The following MYH7 variants were observed in gnomAD, a reference collection of about 807,000 sequenced individuals.
MYH7 encodes the protein myosin heavy chain 7, also known as myosin-7.
Under a neutral mutation model 225.4 loss-of-function variants are expected in MYH7, and 129 were observed. That is an observed-to-expected ratio of 0.57 (90% CI 0.50 to 0.66). The LOEUF is 0.66. MYH7 is among the 30% of genes least tolerant of loss of function. MYH7 has a pLI of 0.00. For synonymous variants in MYH7, 971 were observed against 1,007.6 expected, an observed-to-expected ratio of 0.96 and a Z score of 0.69; for missense variants, 1,649 against 2,517.0, an observed-to-expected ratio of 0.66 and a Z score of 7.38.
In MYH7 at chr14:23,424,976, G is replaced by A. The variant is rs397516150; in HGVS notation, c.2472C>T (p.Val824=). ...AGAGCTTCATCCAGGGCCAATTCTT[G>A]ACCCCCATGAAGGCCCGAATGTTCC... ...IQWNIRAFMG[V]KNWPWMKLYF... Residue 824 remains valine (V), a synonymous_variant, in exon 22 of 40, where the codon GTC becomes GTT. Coordinates refer to ENST00000355349, the MANE Select transcript of MYH7 (RefSeq NM_000257.4). The A allele has an allele frequency of 1.4e-5, 22 of 1,614,020 alleles. No individual in the cohort carries two copies. The highest frequency in any genetic ancestry group is 1.8e-5 in the Non-Finnish European group (21 of 1,180,036).
Position 23,423,629 on chromosome 14 carries a change from G to A in MYH7, c.3017C>T (p.Ala1006Val). The change falls in exon 24 of 40, where the codon GCT becomes GTT. Residue 1006 changes from alanine (A) to valine (V), a missense_variant. Coordinates refer to ENST00000355349, the MANE Select transcript of MYH7 (RefSeq NM_000257.4). ...CTCCTCGGCCTGAAGGTCATCCAGA[G>A]CCTGTTGGTGGGCCTCTTGCAGAGC... ...KKALQEAHQQ[A>V]LDDLQAEEDK... 1 of 1,614,118 alleles carries A rather than the reference G, an allele frequency of 6.2e-7. No homozygotes were observed. Among genetic ancestry groups the A allele is most frequent in the Non-Finnish European group, 8.5e-7 (1 of 1,180,030 alleles).
rs886039204 is a variant in MYH7, at chr14:23,423,966, C to T, written c.2863G>A (p.Asp955Asn). The T allele has an allele frequency of 2.5e-6, 4 of 1,614,200 alleles. No individual in the cohort carries two copies. The highest frequency in any genetic ancestry group is 3.4e-6 in the Non-Finnish European group (4 of 1,180,022). The change falls in exon 23 of 40, where the codon GAT becomes AAT. Residue 955 changes from aspartate to asparagine, a missense_variant. Around this residue, in one of 12 missense-constraint regions of MYH7, gnomAD observed 282 missense variants for 315.3 expected, o/e 0.89. Transcript: ENST00000355349. Reference protein sequence around the residue: ...DECSELKRDIDDLELTLAKVE... With the variant: ...DECSELKRDINDLELTLAKVE... ...TTGGCCAGTGTCAGCTCCAGATCAT[C>T]GATGTCCCTTTTGAGCTCTGAGCAC...
chr14:23,421,256 G>A (rs1327657283), intron 25 of MYH7, among the ~76,000 whole-genome samples: 1 of 152,194 alleles, frequency 6.6e-6, no homozygotes, highest in Non-Finnish European at 1.5e-5. Context: ...GCTGTAGACA[G>A]GGTGATGGGG....
At chr14:23,416,805 A>C (rs1892230211) in intron 33 of MYH7, 63 bp downstream of exon 33, 1 of 1,611,650 alleles carries the variant, frequency 6.2e-7, no homozygotes, top group Non-Finnish European at 8.5e-7. Context: ...GCGGGGGATG[A>C]GAACAGGGAC....
intron 9 of MYH7, 52 bp downstream of exon 9, chr14:23,431,366 G>A (rs1330158689): frequency 2.6e-6 from 4 of 1,567,410 alleles, no homozygotes; most frequent in East Asian, 2.2e-5. Context: ...AGACCAGATG[G>A]TCTAGAGCAA....
chr14:23,419,293 C>T lies in MYH7; in HGVS notation c.3856G>A (p.Glu1286Lys), dbSNP rs397516196. ...TTCTCATCCAGCTGCCGGGACAGCT[C>T]ACCTGGGGAAGCACCATTCTAGATC... is the stretch of plus-strand genomic sequence containing the variant. ...QRAKLQTENGELSRQLDEKEA... is the reference protein window; with the variant it reads ...QRAKLQTENGKLSRQLDEKEA... The change falls in exon 29 of 40, where the codon GAG (glutamate) becomes AAG (lysine). Residue 1286 changes from glutamate (E) to lysine (K), a missense_variant and splice_region_variant. Glu to Lys is a moderately conservative substitution (Grantham distance 56). This residue lies in a region of MYH7 where 687 missense variants were observed against 913.8 expected (regional missense o/e 0.75). Coordinates refer to ENST00000355349, the MANE Select transcript of MYH7 (RefSeq NM_000257.4). 29 of 1,614,060 alleles carry T rather than the reference C, an allele frequency of 1.8e-5. No homozygotes were observed. The highest frequency in any genetic ancestry group is 2.4e-5 in the Non-Finnish European group (28 of 1,180,026).
In MYH7 at chr14:23,419,548, G is replaced by A. The variant is rs758889483; in HGVS notation, c.3788C>T (p.Ala1263Val). Residue 1263 changes from alanine to valine, a missense_variant, in exon 28 of 40, where the codon GCG (alanine) becomes GTG (valine). Physicochemically the swap from Ala to Val is moderately conservative, Grantham distance 64 (BLOSUM62 0). This residue lies in a region of MYH7 where 687 missense variants were observed against 913.8 expected (regional missense o/e 0.75). Transcript: ENST00000355349. ...EDQMNEHRSK[A>V]EETQRSVNDL... ...GTTGACAGAACGCTGGGTCTCCTCC[G>A]CCTTGCTCCGGTGCTCATTCATCTG... The A allele has an allele frequency of 1.6e-5, 26 of 1,613,992 alleles. No individual in the cohort carries two copies. The highest frequency in any genetic ancestry group is 2.1e-5 in the Non-Finnish European group (25 of 1,180,018).
In MYH7 at chr14:23,431,653, G is replaced by A. The variant is rs1060501445; in HGVS notation, c.664C>T (p.Gln222Ter). The A allele has an allele frequency of 6.2e-7, 1 of 1,614,252 alleles. No individual in the cohort carries two copies. Among genetic ancestry groups the A allele is most frequent in the Non-Finnish European group, 8.5e-7 (1 of 1,180,048 alleles). Residue 222 changes from glutamine (Q) to a stop codon, truncating the protein, a stop_gained, in exon 8 of 40, where the codon CAG becomes TAG. Coordinates refer to ENST00000355349, the MANE Select transcript of MYH7 (RefSeq NM_000257.4). LOFTEE classifies it high-confidence loss of function. ...AAGGCCTCCAGAGCAGGGTTGGCCT[G>A]GATGATCTGGTCCTCCAGGGTGCCC... ...GKGTLEDQII[Q>*]ANPALEAFGN...
intron 29 of MYH7, 148 bp from the exon 30 acceptor site, chr14:23,418,554 G>T: frequency 9.6e-7 from 1 of 1,040,134 alleles, no homozygotes; most frequent in Non-Finnish European, 1.4e-6. Context: ...TTTACTGTTT[G>T]CTGATAACAA....
rs541516432 is a variant in MYH7 at position 23,435,401 on chromosome 14, C to T, written c.-65+219G>A. Among the ~76,000 whole-genome samples, 39 of 151,306 alleles carry T rather than the reference C, an allele frequency of 2.6e-4. 1 individual carries two copies. In the South Asian group the frequency reaches 3.8e-3, roughly 15 times the overall value. ...ACACACACACACACACACACACACC[C>T]TGTAATGCATATTGGTCCCATATGC... On this transcript the variant is annotated intron_variant, in intron 1 of 39. Coordinates refer to ENST00000355349, the MANE Select transcript of MYH7 (RefSeq NM_000257.4).
At position 23,425,599 on chromosome 14, in the gene MYH7, A is replaced by C; in HGVS notation, c.2286+96T>G. The C allele has an allele frequency of 6.2e-7, 1 of 1,602,190 alleles. No homozygotes were observed. The highest frequency in any genetic ancestry group is 8.5e-7 in the Non-Finnish European group (1 of 1,172,660). ...CCACTGGGAGGGGTAGCATACAGGTAAGAGATTTTGCTAAGATGATTACAA... is the reference window on the plus strand; with the variant it reads ...CCACTGGGAGGGGTAGCATACAGGTCAGAGATTTTGCTAAGATGATTACAA... On this transcript the variant is annotated intron_variant, in intron 20 of 39. Transcript: ENST00000355349. This position sits in a 1 kb window ranked among gnomAD's most constrained non-coding sequence, Gnocchi z 4.6.
At position 23,419,980 on chromosome 14, in the gene MYH7, G is replaced by A. The variant is rs901079585; in HGVS notation, c.3591C>T (p.Ala1197=). The change falls in exon 27 of 40, where the codon GCC becomes GCT. Residue 1197 remains alanine, a synonymous_variant. Coordinates refer to ENST00000355349, the MANE Select transcript of MYH7 (RefSeq NM_000257.4). The stretch of plus-strand genomic sequence containing the variant: ...GCTCGCCCAGCTCGGCCACGCTGTC[G>A]GCGTGCTTCTTGCGCAGGGCCGCGG... The part of the protein sequence containing the change: ...ATAAALRKKH[A]DSVAELGEQI... 3.7e-6 allele frequency: 6 copies of A among 1,604,144 alleles called. No homozygotes were observed. Among genetic ancestry groups the A allele is most frequent in the African/African-American group, 2.7e-5 (2 of 74,546 alleles).
chr14:23,425,684 C>T lies in MYH7; in HGVS notation c.2286+11G>A. The T allele has an allele frequency of 2.5e-6, 4 of 1,613,974 alleles. No individual in the cohort carries two copies. The highest frequency in any genetic ancestry group is 3.4e-6 in the Non-Finnish European group (4 of 1,179,864). On this transcript the variant is annotated intron_variant, in intron 20 of 39. Transcript: ENST00000355349. This position sits in a 1 kb window ranked among gnomAD's most constrained non-coding sequence, Gnocchi z 4.6. ...ATGTCTTCCTTTAATTAATTAGTCT[C>T]CTTTCCTCACCTTGGTGTGGCCAAA... is the stretch of plus-strand genomic sequence containing the variant.
At chr14:23,419,821 G>C (rs1430780141) in intron 27 of MYH7, 24 bp downstream of exon 27, 11 of 1,613,896 alleles carry the variant, frequency 6.8e-6, no homozygotes, top group Non-Finnish European at 8.5e-6. Flanking sequence ...GAAGTTGGAG[G>C]AGGGGAGGCC....
rs730880725 is a variant in MYH7 at position 23,417,659 on chromosome 14, T to A, written c.4197A>T (p.Glu1399Asp). ...TAACAGCCTCCACGGCCTCCTCAGC[T>A]TCCTGCAGCCGCTGGGCCAGCTTCT... is the stretch of plus-strand genomic sequence containing the variant. ...AKKKLAQRLQ[E>D]AEEAVEAVNA... Residue 1399 changes from glutamate (E) to aspartate (D), a missense_variant, in exon 31 of 40, where the codon GAA (glutamate) becomes GAT (aspartate). By Grantham distance (45) the Glu-to-Asp change is conservative. Transcript: ENST00000355349. The A allele has an allele frequency of 1.3e-5, 21 of 1,612,918 alleles. No individual in the cohort carries two copies. The highest frequency in any genetic ancestry group is 1.7e-5 in the Non-Finnish European group (20 of 1,180,038).
At chr14:23,414,972 C>A (rs756407175) in intron 37 of MYH7, 23 bp downstream of exon 37, 2 of 1,603,602 alleles carry the variant, frequency 1.2e-6, no homozygotes, top group Admixed American at 3.3e-5. Flanking sequence ...CAGGGCTCTG[C>A]CTGGAGTCAC....
At chr14:23,419,397 T>C (rs1595077418) in intron 28 of MYH7, 86 bp downstream of exon 28, 2 of 1,612,062 alleles carry the variant, frequency 1.2e-6, no homozygotes, top group Non-Finnish European at 1.7e-6. Flanking sequence ...TGTGTGTGCG[T>C]GTATTGGCTT....
In MYH7 at chr14:23,414,598, A is replaced by G. The variant is rs544198290; in HGVS notation, c.5559+397T>C. 4.6e-5 allele frequency among the ~76,000 whole-genome samples: 7 copies of G among 152,344 alleles called. No homozygotes were observed. The East Asian group carries it at 5.8e-4, about 13-fold the overall frequency. On this transcript the variant is annotated intron_variant, in intron 37 of 39. Coordinates refer to ENST00000355349, the MANE Select transcript of MYH7 (RefSeq NM_000257.4). Reference sequence around the variant, plus strand: ...AGAGTCTGATTCTAGAAAACACCTCAGAAAGCTAGAGTCCACACTGCCCTG... The same window carrying G: ...AGAGTCTGATTCTAGAAAACACCTCGGAAAGCTAGAGTCCACACTGCCCTG...
chr14:23,433,341 G>T lies in MYH7; in HGVS notation c.202-114C>A, dbSNP rs1893024455. 6.6e-7 allele frequency: 1 copy of T among 1,517,738 alleles called. No homozygotes were observed. The highest frequency in any genetic ancestry group is 1.1e-5 in the South Asian group (1 of 86,988). 94.0% of individuals were successfully genotyped at this position (1,517,738 alleles called of 1,614,324 possible). ...TAGTGCTCAAGAGAGAAGGAACCAG[G>T]ATCTCACAGGGAAGACAGAAGGGAT... is the stretch of plus-strand genomic sequence containing the variant. On this transcript the variant is annotated intron_variant, in intron 3 of 39. Transcript: ENST00000355349. This position sits in a 1 kb window ranked among gnomAD's most constrained non-coding sequence, Gnocchi z 4.1.
Sources: gnomAD v4.1 joint callset for allele counts (sites outside exome capture counted in the v4.1 genomes callset) on GRCh38, gnomAD v4.1.1 for gene constraint, gnomAD v4.1.1 regional missense constraint, Gnocchi (gnomAD v3.1) non-coding constraint, MANE v1.5 for transcripts, NCBI Gene and HGNC (gene_info 2026-07-23, HGNC 2026-07-21) for gene names.